Variants in C12orf42 observed in about 807,000 individuals in gnomAD.
The protein encoded by C12orf42 is chromosome 12 open reading frame 42.
Under a neutral mutation model 21.6 loss-of-function variants are expected in C12orf42, and 25 were observed. The observed-to-expected ratio is 1.16, with a 90% CI of 0.84 to 1.62. The LOEUF is 1.62. Among genes scored for constraint, C12orf42 ranks in the 40% most tolerant of loss-of-function variants. The probability of loss-of-function intolerance (pLI) is 0.00; values close to 1 mark genes in which losing one functional copy is unlikely to be tolerated. For missense variants in C12orf42, 483 were observed against 459.3 expected (o/e 1.05, Z -0.47); for synonymous variants, 174 against 175.0 (o/e 0.99, Z 0.05).
At chr12:103,326,433 C>A (rs2040713082) in intron 4 of C12orf42, among the ~76,000 whole-genome samples, 1 of 152,210 alleles carries the variant, frequency 6.6e-6, no homozygotes, top group Non-Finnish European at 1.5e-5. Context: ...TTGCTCAAGG[C>A]CTTCCAATGG....
At chr12:103,492,089 C>T (rs141500166) in intron 1 of C12orf42, among the ~76,000 whole-genome samples, 3 of 152,128 alleles carry the variant, frequency 2.0e-5, no homozygotes, top group East Asian at 3.9e-4. Context: ...CCTGAGTAGC[C>T]GGGATTACAG....
chr12:103,409,031 C>T (rs543721708), intron 2 of C12orf42, among the ~76,000 whole-genome samples: 5 of 151,994 alleles, frequency 3.3e-5, no homozygotes, highest in African/African-American at 9.7e-5. Context: ...TTTAGTTAAC[C>T]GCATATTTCA....
At chr12:103,119,154 C>T in the C12orf42 span, among the ~76,000 whole-genome samples, 1 of 152,156 alleles carries the variant, frequency 6.6e-6, no homozygotes, top group Non-Finnish European at 1.5e-5. Context: ...GCTTTGAGGT[C>T]TAACAGCCTG....
At chr12:103,552,812 G>T in the C12orf42 span, among the ~76,000 whole-genome samples, 1 of 152,188 alleles carries the variant, frequency 6.6e-6, no homozygotes, top group East Asian at 1.9e-4. Flanking sequence ...TTGACTCACA[G>T]TTCCACATGG....
chr12:103,234,040 T>A (rs571188603), downstream of C12orf42, among the ~76,000 whole-genome samples: 68 of 152,312 alleles, frequency 4.5e-4, no homozygotes, highest in African/African-American at 1.6e-3. Context: ...TTTTGTCAAA[T>A]GCTTTTTCTA....
chr12:103,058,318 GTTGT>G, the C12orf42 span, among the ~76,000 whole-genome samples: 1 of 152,100 alleles, frequency 6.6e-6, no homozygotes, highest in African/African-American at 2.4e-5. Flanking sequence ...TTTTAATGGG[GTTGT>G]TTGTTTTTTT....
chr12:103,222,076 A>C, the C12orf42 span, among the ~76,000 whole-genome samples: 1 of 152,146 alleles, frequency 6.6e-6, no homozygotes, highest in Admixed American at 6.5e-5. Flanking sequence ...CCAAGATGTC[A>C]TATGCATATT....
At chr12:103,166,194 C>A in the C12orf42 span, among the ~76,000 whole-genome samples, 1 of 152,056 alleles carries the variant, frequency 6.6e-6, no homozygotes, top group Admixed American at 6.5e-5. Flanking sequence ...AGACCTTGTG[C>A]AAGTAATATG....
chr12:103,102,736 G>T, the C12orf42 span, among the ~76,000 whole-genome samples: 1 of 152,170 alleles, frequency 6.6e-6, no homozygotes, highest in Non-Finnish European at 1.5e-5. Context: ...ATTATCTCAT[G>T]ATTCCTGTAG....
chr12:103,494,160 A>G (rs1468075200), intron 1 of C12orf42, among the ~76,000 whole-genome samples: 1 of 152,192 alleles, frequency 6.6e-6, no homozygotes, highest in Admixed American at 6.5e-5. Context: ...TTTCTCCACA[A>G]TAGCCTGGCC....
the C12orf42 span, among the ~76,000 whole-genome samples, chr12:103,195,170 C>A: frequency 6.6e-6 from 1 of 152,136 alleles, no homozygotes; most frequent in Non-Finnish European, 1.5e-5. Flanking sequence ...TGCATATGTA[C>A]CACATTTTCT....
chr12:103,082,118 T>A, the C12orf42 span, among the ~76,000 whole-genome samples: 3 of 152,182 alleles, frequency 2.0e-5, no homozygotes, highest in South Asian at 2.1e-4. Context: ...TAACAAAGCT[T>A]AAGGAGAGAT....
At chr12:103,280,079 C>A (rs2036011680) in intron 4 of C12orf42, among the ~76,000 whole-genome samples, 1 of 152,130 alleles carries the variant, frequency 6.6e-6, no homozygotes, top group Admixed American at 6.5e-5. Context: ...TGAATATGTA[C>A]AATGTCCCAG....
chr12:103,554,409 C>T, the C12orf42 span, among the ~76,000 whole-genome samples: 1 of 152,132 alleles, frequency 6.6e-6, no homozygotes, highest in Non-Finnish European at 1.5e-5. Flanking sequence ...AAAGCTTAAA[C>T]ATGCTAAAGA....
the C12orf42 span, among the ~76,000 whole-genome samples, chr12:103,511,843 G>A: frequency 1.3e-5 from 2 of 152,096 alleles, no homozygotes; most frequent in African/African-American, 4.8e-5. Context: ...ATATATAAAC[G>A]TAATTTTGAC....
At chr12:103,499,568 G>C (rs532240666), upstream of C12orf42, among the ~76,000 whole-genome samples, 1 of 152,298 alleles carries the variant, frequency 6.6e-6, no homozygotes, top group African/African-American at 2.4e-5. Context: ...GTTGAGAAGG[G>C]ATTTCACTAC....
At chr12:103,220,554 G>A in the C12orf42 span, among the ~76,000 whole-genome samples, 2 of 152,186 alleles carry the variant, frequency 1.3e-5, no homozygotes, top group African/African-American at 4.8e-5. Flanking sequence ...GTTCAATAGC[G>A]TTCGTGAGAA....
At chr12:103,542,832 C>G in the C12orf42 span, among the ~76,000 whole-genome samples, 1 of 152,204 alleles carries the variant, frequency 6.6e-6, no homozygotes, top group Non-Finnish European at 1.5e-5. Flanking sequence ...GTTATAGCCA[C>G]TTTTAAGGTC....
At chr12:103,426,809 T>C (rs1430711553) in intron 2 of C12orf42, among the ~76,000 whole-genome samples, 1 of 152,192 alleles carries the variant, frequency 6.6e-6, no homozygotes, top group Non-Finnish European at 1.5e-5. Flanking sequence ...TTATTCAACA[T>C]TCTTAAAGAA....
Sources: gnomAD v4.1 joint callset for allele counts (sites outside exome capture counted in the v4.1 genomes callset) on GRCh38, gnomAD v4.1.1 for gene constraint, MANE v1.5 for transcripts, NCBI Gene and HGNC (gene_info 2026-07-23, HGNC 2026-07-21) for gene names.